Variants in PRKG1 observed in about 807,000 individuals in gnomAD.
The protein encoded by PRKG1 is protein kinase cGMP-dependent 1.
A neutral mutation model predicts 88.1 loss-of-function variants in PRKG1; 35 were observed. The ratio of observed to expected loss-of-function variants is 0.40; its 90% CI spans 0.30 to 0.53. The LOEUF (loss-of-function observed/expected upper bound fraction) is 0.53, where lower values mean the gene tolerates loss of function less well. PRKG1 is among the 20% of genes least tolerant of loss of function. The pLI, the probability that PRKG1 is intolerant of heterozygous loss-of-function variation, is 0.59. For missense variants in PRKG1, 540 were observed against 839.8 expected, an observed-to-expected ratio of 0.64 and a Z score of 4.41; for synonymous variants, 303 against 292.5, an observed-to-expected ratio of 1.04 and a Z score of -0.37.
rs577637671 is a variant in PRKG1 at position 52,032,664 on chromosome 10, C to A, written c.763-21820C>A. On this transcript the variant is annotated intron_variant, in intron 5 of 17. Transcript: ENST00000373980. Reference sequence around the variant, plus strand: ...TTTTTTAATTCCCCCTTTTTCATTGCTGGAAATAGGAAAATAAAAATTCAG... The same window carrying A: ...TTTTTTAATTCCCCCTTTTTCATTGATGGAAATAGGAAAATAAAAATTCAG... Among the ~76,000 whole-genome samples the A allele has an allele frequency of 1.4e-3, 210 of 151,690 alleles. 2 individuals are homozygous for A. Among genetic ancestry groups the A allele is most frequent in the African/African-American group, 4.5e-3 (186 of 41,376 alleles).
intron 3 of PRKG1, among the ~76,000 whole-genome samples, chr10:51,530,043 A>G (rs115497040): frequency 0.012 from 1,862 of 152,206 alleles, 30 homozygotes; most frequent in African/African-American, 0.043. Flanking sequence ...TTCAGTTTGC[A>G]TTATTTTTTA....
At chr10:51,085,783 C>A (rs549402163) in intron 1 of PRKG1, among the ~76,000 whole-genome samples, 1 of 152,036 alleles carries the variant, frequency 6.6e-6, no homozygotes, top group East Asian at 1.9e-4. Flanking sequence ...TCATTTAATA[C>A]CTAGCTTTAT....
chr10:51,715,890 C>T (rs1213934529), intron 3 of PRKG1, among the ~76,000 whole-genome samples: 8 of 152,182 alleles, frequency 5.3e-5, no homozygotes, highest in Non-Finnish European at 1.0e-4. Context: ...ACTTTACTTT[C>T]CCAGGCCTTT....
intron 5 of PRKG1, among the ~76,000 whole-genome samples, chr10:51,937,396 A>G (rs1170993809): frequency 6.6e-6 from 1 of 152,028 alleles, no homozygotes; most frequent in Non-Finnish European, 1.5e-5. Context: ...ACCTAATTTA[A>G]TATTTCCAGG....
intron 5 of PRKG1, among the ~76,000 whole-genome samples, chr10:51,952,793 C>G (rs1305876986): frequency 1.3e-5 from 2 of 152,104 alleles, no homozygotes; most frequent in African/African-American, 4.8e-5. Flanking sequence ...TCATTTGCTT[C>G]ATCTGTAAAA....
intron 9 of PRKG1, among the ~76,000 whole-genome samples, chr10:52,231,670 T>C (rs1053810259): frequency 6.6e-6 from 1 of 152,168 alleles, no homozygotes; most frequent in Non-Finnish European, 1.5e-5. Flanking sequence ...GATTTAAGAA[T>C]AGATAGATAG....
chr10:51,203,767 G>A (rs1322824555), intron 2 of PRKG1, among the ~76,000 whole-genome samples: 1 of 152,182 alleles, frequency 6.6e-6, no homozygotes, highest in Non-Finnish European at 1.5e-5. Context: ...AATGATGTGA[G>A]TAATTTTCTT....
chr10:51,962,745 T>A (rs892594993), intron 5 of PRKG1, among the ~76,000 whole-genome samples: 1 of 152,224 alleles, frequency 6.6e-6, no homozygotes, highest in African/African-American at 2.4e-5. Context: ...TAGGCACATG[T>A]AGCTCCTGAT....
intron 5 of PRKG1, among the ~76,000 whole-genome samples, chr10:52,023,545 G>A (rs1438566282): frequency 6.6e-6 from 1 of 152,204 alleles, no homozygotes; most frequent in African/African-American, 2.4e-5. Flanking sequence ...GTGTAAAAGT[G>A]TTCCTGTTTC....
intron 2 of PRKG1, among the ~76,000 whole-genome samples, chr10:51,380,246 T>C (rs1276730951): frequency 1.3e-5 from 2 of 152,154 alleles, no homozygotes; most frequent in African/African-American, 4.8e-5. Flanking sequence ...TTACTCTAGT[T>C]TGCAAAAGAA....
chr10:51,911,000 T>G (rs891921828), intron 5 of PRKG1: 1 of 152,206 alleles, frequency 6.6e-6, no homozygotes, highest in East Asian at 1.9e-4. Flanking sequence ...CATATACAGA[T>G]TCTTAGCTGG....
At chr10:52,095,613 T>C (rs1366119430) in intron 7 of PRKG1, among the ~76,000 whole-genome samples, 1 of 152,140 alleles carries the variant, frequency 6.6e-6, no homozygotes, top group Non-Finnish European at 1.5e-5. Flanking sequence ...TTAATAAATA[T>C]GCTTTAACAA....
At chr10:51,693,922 T>C (rs1841214944) in intron 3 of PRKG1, among the ~76,000 whole-genome samples, 1 of 152,136 alleles carries the variant, frequency 6.6e-6, no homozygotes, top group Non-Finnish European at 1.5e-5. Flanking sequence ...AGTTAACATT[T>C]GAAATAAATA....
At chr10:51,595,545 G>A (rs748271657) in intron 3 of PRKG1, among the ~76,000 whole-genome samples, 2 of 148,540 alleles carry the variant, frequency 1.3e-5, no homozygotes, top group East Asian at 2.0e-4. Flanking sequence ...CAGGAGAATC[G>A]CTTGAACCTG....
intron 7 of PRKG1, among the ~76,000 whole-genome samples, chr10:52,093,770 G>T (rs999751711): frequency 6.6e-6 from 1 of 152,036 alleles, no homozygotes; most frequent in Non-Finnish European, 1.5e-5. Flanking sequence ...CTTTTTGGAG[G>T]CATCCTAAGA....
At chr10:51,335,137 C>G (rs527355592) in intron 2 of PRKG1, among the ~76,000 whole-genome samples, 1 of 151,480 alleles carries the variant, frequency 6.6e-6, no homozygotes, top group African/African-American at 2.4e-5. Context: ...CTCAGCCACC[C>G]GAGGAGCTGG....
intron 5 of PRKG1, among the ~76,000 whole-genome samples, chr10:51,974,849 T>C (rs551969211): frequency 5.9e-4 from 90 of 152,272 alleles, no homozygotes; most frequent in African/African-American, 2.0e-3. Context: ...CCCTTGAGGT[T>C]GTAAACTGTC....
chr10:51,955,268 G>T (rs909271333), intron 5 of PRKG1, among the ~76,000 whole-genome samples: 53 of 152,024 alleles, frequency 3.5e-4, no homozygotes, highest in Non-Finnish European at 7.2e-4. Context: ...CAGCAAACCT[G>T]CCCCATTCAC....
At chr10:51,889,385 G>C (rs763443994) in intron 4 of PRKG1, among the ~76,000 whole-genome samples, 1 of 151,984 alleles carries the variant, frequency 6.6e-6, no homozygotes, top group Non-Finnish European at 1.5e-5. Context: ...CAAAGGACAT[G>C]AACTTATACT....
Sources: gnomAD v4.1 joint callset for allele counts (sites outside exome capture counted in the v4.1 genomes callset) on GRCh38, gnomAD v4.1.1 for gene constraint, MANE v1.5 for transcripts, NCBI Gene and HGNC (gene_info 2026-07-23, HGNC 2026-07-21) for gene names.